TBC1D30: variants seen among roughly 807,000 people sequenced by gnomAD.
TBC1D30 encodes TBC1 domain family, member 30.
A neutral mutation model predicts 63.2 loss-of-function variants in TBC1D30; 31 were observed. That is an observed-to-expected ratio of 0.49 (90% CI 0.37 to 0.66). The LOEUF is 0.66. TBC1D30 is among the 30% of genes least tolerant of loss of function. The probability of loss-of-function intolerance (pLI) is 0.00; values close to 1 mark genes in which losing one functional copy is unlikely to be tolerated. For synonymous variants in TBC1D30, 307 were observed against 361.5 expected (o/e 0.85, Z 1.71); for missense variants, 810 against 953.6 (o/e 0.85, Z 1.98).
At chr12:64,852,514 G>A (rs1876960275) in intron 8 of TBC1D30, among the ~76,000 whole-genome samples, 1 of 152,114 alleles carries the variant, frequency 6.6e-6, no homozygotes, top group Non-Finnish European at 1.5e-5. Flanking sequence ...TCTCTGTCTA[G>A]TTTTGTTCCC....
Position 64,836,561 on chromosome 12 carries a change from G to A in TBC1D30, c.666G>A (p.Val222=), listed in dbSNP as rs1875377292. The change falls in exon 6 of 12, where the codon GTG becomes GTA. Residue 222 remains valine (V), a synonymous_variant. Coordinates refer to ENST00000539867, the MANE Select transcript of TBC1D30 (RefSeq NM_015279.2). ...YFVNNLRALS[V]DMAVFRDLLR... ...TCAATAATCTCCGGGCATTGTCTGTGGATATGGCTGTCTTCAGAGACCTTT... is the reference window on the plus strand; with the variant it reads ...TCAATAATCTCCGGGCATTGTCTGTAGATATGGCTGTCTTCAGAGACCTTT... 2.6e-6 allele frequency: 4 copies of A among 1,535,808 alleles called. No homozygotes were observed. Among genetic ancestry groups the A allele is most frequent in the Admixed American group, 2.0e-5 (1 of 50,970 alleles).
At position 64,875,266 on chromosome 12, in the gene TBC1D30, C is replaced by T. The variant is rs149314676; in HGVS notation, c.1764C>T (p.Thr588=). 17 of 1,536,238 alleles carry T rather than the reference C, an allele frequency of 1.1e-5. No individual in the cohort carries two copies. Among genetic ancestry groups the T allele is most frequent in the East Asian group, 9.8e-5 (4 of 40,904 alleles). The change falls in exon 12 of 12, where the codon ACC becomes ACT. Residue 588 remains threonine, a synonymous_variant. Transcript: ENST00000539867. The part of the protein sequence containing the change: ...RTKSHPGCGD[T]VGLIDEQNEA... ...AGAGTCATCCGGGCTGTGGGGACAC[C>T]GTAGGGCTGATAGATGAGCAGAACG...
At chr12:64,808,438 T>G (rs950110442) in intron 2 of TBC1D30, among the ~76,000 whole-genome samples, 4 of 152,180 alleles carry the variant, frequency 2.6e-5, no homozygotes, top group African/African-American at 9.7e-5. Flanking sequence ...TCTAGCACAT[T>G]GCTTGCACAG....
chr12:64,858,769 A>G (rs900408755), intron 8 of TBC1D30, among the ~76,000 whole-genome samples: 3 of 152,230 alleles, frequency 2.0e-5, no homozygotes, highest in Non-Finnish European at 4.4e-5. Context: ...AATGTCAGGT[A>G]ATGTGCCAGG....
At chr12:64,766,872 A>G (rs1184261367) in intron 1 of TBC1D30, among the ~76,000 whole-genome samples, 1 of 152,232 alleles carries the variant, frequency 6.6e-6, no homozygotes, top group Non-Finnish European at 1.5e-5. Flanking sequence ...AAATAAAATT[A>G]GAACATAAGA....
chr12:64,783,189 T>C (rs567604238), intron 1 of TBC1D30, among the ~76,000 whole-genome samples: 6 of 152,116 alleles, frequency 3.9e-5, no homozygotes, highest in Non-Finnish European at 5.9e-5. Flanking sequence ...GTAGGTCCTT[T>C]AGGTGAGGCA....
intron 2 of TBC1D30, among the ~76,000 whole-genome samples, chr12:64,802,915 G>A (rs1257354464): frequency 1.3e-5 from 2 of 152,172 alleles, no homozygotes; most frequent in Non-Finnish European, 2.9e-5. Flanking sequence ...ATTTGGGTTG[G>A]TTCCAAGTCT....
chr12:64,855,314 G>T (rs1396663052), intron 8 of TBC1D30, among the ~76,000 whole-genome samples: 1 of 151,902 alleles, frequency 6.6e-6, no homozygotes, highest in Non-Finnish European at 1.5e-5. Context: ...GTCTTCTTTG[G>T]GTTAAATCTG....
At chr12:64,837,940 G>A in intron 6 of TBC1D30, among the ~76,000 whole-genome samples, 1 of 152,040 alleles carries the variant, frequency 6.6e-6, no homozygotes, top group East Asian at 1.9e-4. Flanking sequence ...ATGAATATAG[G>A]AAAACAGACA....
At chr12:64,823,555 A>G (rs1874022818), upstream of TBC1D30, among the ~76,000 whole-genome samples, 1 of 152,210 alleles carries the variant, frequency 6.6e-6, no homozygotes, top group Non-Finnish European at 1.5e-5. Flanking sequence ...TTGAACTCCT[A>G]GTTTCAAGAC....
chr12:64,866,834 G>C lies in TBC1D30; in HGVS notation c.1222G>C (p.Val408Leu), dbSNP rs1369302979. ...CGATGAGGATGCTGTCGTTAATGCAGTGGGGTGTCTTGGACCTTTTAGTGG... is the reference window on the plus strand; with the variant it reads ...CGATGAGGATGCTGTCGTTAATGCACTGGGGTGTCTTGGACCTTTTAGTGG... ...PDDEDAVVNA[V>L]GCLGPFSGFL... The change falls in exon 10 of 12, where the codon GTG becomes CTG. Residue 408 changes from valine to leucine, a missense_variant. This residue lies in a region of TBC1D30 where 450 missense variants were observed against 473.0 expected (regional missense o/e 0.95). Coordinates refer to ENST00000539867, the MANE Select transcript of TBC1D30 (RefSeq NM_015279.2). 6.5e-7 allele frequency: 1 copy of C among 1,536,486 alleles called. No homozygotes were observed. Among genetic ancestry groups the C allele is most frequent in the South Asian group, 1.2e-5 (1 of 84,056 alleles).
upstream of TBC1D30, among the ~76,000 whole-genome samples, chr12:64,821,905 CT>C (rs1873910304): frequency 6.6e-6 from 1 of 152,194 alleles, no homozygotes; most frequent in African/African-American, 2.4e-5. Flanking sequence ...AAAGTGATGC[CT>C]TTTCAAAGAG....
intron 8 of TBC1D30, among the ~76,000 whole-genome samples, chr12:64,856,660 A>G (rs1006274973): frequency 5.9e-5 from 9 of 152,160 alleles, no homozygotes; most frequent in Admixed American, 5.9e-4. Flanking sequence ...GCCTTGCCCA[A>G]GGCCCTTCCC....
At chr12:64,799,147 G>C (rs890110269) in intron 2 of TBC1D30, among the ~76,000 whole-genome samples, 6 of 152,012 alleles carry the variant, frequency 3.9e-5, no homozygotes, top group Non-Finnish European at 7.4e-5. Context: ...TTCTGACGAT[G>C]TGCCTCTGGA....
chr12:64,838,958 A>G, intron 7 of TBC1D30, 107 bp downstream of exon 7: 1 of 1,134,806 alleles, frequency 8.8e-7, no homozygotes, highest in Non-Finnish European at 1.2e-6. Flanking sequence ...AAAGTTGTGA[A>G]CTTTTAAAAT....
chr12:64,764,739 AT>A (rs1258239637), intron 1 of TBC1D30, among the ~76,000 whole-genome samples: 2 of 152,230 alleles, frequency 1.3e-5, no homozygotes, highest in African/African-American at 4.8e-5. Context: ...GCAGGGAAGA[AT>A]TCCAAAGAGA....
chr12:64,798,251 A>G (rs1872393368), intron 2 of TBC1D30, among the ~76,000 whole-genome samples: 3 of 152,220 alleles, frequency 2.0e-5, no homozygotes, highest in Admixed American at 2.0e-4. Flanking sequence ...GAAGCAAATA[A>G]AAAATTACAG....
intron 1 of TBC1D30, among the ~76,000 whole-genome samples, chr12:64,761,738 C>A (rs868249881): frequency 6.6e-6 from 1 of 152,236 alleles, no homozygotes. Context: ...AAATGGGCAA[C>A]GAGTAGCCCT....
In TBC1D30 at chr12:64,786,083, C is replaced by G. The variant is rs73325412; in HGVS notation, c.643+38C>G. The stretch of plus-strand genomic sequence containing the variant: ...ATTGGGTTACTTCTTTTGCCACATG[C>G]AACTAGAATGTTAGGAAAGCTGAGC... On this transcript the variant is annotated intron_variant, in intron 2 of 12. Transcript: ENST00000542120. 1,047 of 1,262,018 alleles carry G rather than the reference C, an allele frequency of 8.3e-4. 15 individuals are homozygous for G. The African/African-American group carries it at 0.014, about 17-fold the overall frequency. 78.2% of individuals were successfully genotyped at this position (1,262,018 alleles called of 1,614,324 possible). A position where few individuals can be genotyped will look rare whatever the true frequency, so the allele number is the denominator to read the frequency against.
Sources: gnomAD v4.1 joint callset for allele counts (sites outside exome capture counted in the v4.1 genomes callset) on GRCh38, gnomAD v4.1.1 for gene constraint, gnomAD v4.1.1 regional missense constraint, MANE v1.5 for transcripts, NCBI Gene and HGNC (gene_info 2026-07-23, HGNC 2026-07-21) for gene names.